Variants in SAMD5 observed in about 807,000 individuals in gnomAD.
SAMD5 encodes sterile alpha motif domain-containing protein 5.
A neutral mutation model predicts 11.3 loss-of-function variants in SAMD5; 13 were observed. That is an observed-to-expected ratio of 1.15 (90% CI 0.75 to 1.83). The LOEUF is 1.83. Among genes scored for constraint, SAMD5 ranks in the 40% most tolerant of loss-of-function variants. The pLI is 0.00. For missense variants in SAMD5, 255 were observed against 239.1 expected (o/e 1.07, Z -0.44); for synonymous variants, 129 against 111.3 (o/e 1.16, Z -1.00).
In SAMD5 at chr6:147,532,329, T is replaced by G. The variant is rs148827121; in HGVS notation, c.459+22942T>G. ...CTCCCTGAGTCCCCAAAGTCCATTA[T>G]ATCATTCTTATGCCTTTGCATCCTC... On this transcript the variant is annotated intron_variant, in intron 1 of 1. Coordinates refer to ENST00000367474, the MANE Select transcript of SAMD5 (RefSeq NM_001030060.3). Among the ~76,000 whole-genome samples, 1,367 of 150,878 alleles carry G rather than the reference T, an allele frequency of 9.1e-3. 17 individuals carry two copies. The highest frequency in any genetic ancestry group is 0.031 in the African/African-American group (1,297 of 41,238).
At chr6:147,746,522 G>T in the SAMD5 span, among the ~76,000 whole-genome samples, 4 of 152,162 alleles carry the variant, frequency 2.6e-5, no homozygotes, top group African/African-American at 9.7e-5. Flanking sequence ...GTAATCTGTA[G>T]ACTAGAAATG....
At chr6:147,542,154 A>G (rs1788615524) in intron 1 of SAMD5, among the ~76,000 whole-genome samples, 1 of 152,210 alleles carries the variant, frequency 6.6e-6, no homozygotes, top group Non-Finnish European at 1.5e-5. Flanking sequence ...CTCCATTGCA[A>G]TTAAATCCAT....
the SAMD5 span, among the ~76,000 whole-genome samples, chr6:147,841,024 T>C: frequency 1.3e-5 from 2 of 152,092 alleles, no homozygotes; most frequent in African/African-American, 2.4e-5. Flanking sequence ...AAGTCAGAAA[T>C]AGTCATTCAA....
chr6:147,733,718 A>G (rs917948614), intron 1 of SAMD5: 4 of 751,040 alleles, frequency 5.3e-6, no homozygotes, highest in Admixed American at 6.3e-5. Flanking sequence ...GCTGTGATTC[A>G]TGTTTTCTAG....
At chr6:147,805,834 C>T in the SAMD5 span, among the ~76,000 whole-genome samples, 3 of 152,152 alleles carry the variant, frequency 2.0e-5, no homozygotes, top group Non-Finnish European at 4.4e-5. Context: ...AATTCACTGA[C>T]CTGAGATTGA....
At chr6:147,898,951 C>A in the SAMD5 span, among the ~76,000 whole-genome samples, 2 of 151,616 alleles carry the variant, frequency 1.3e-5, no homozygotes, top group African/African-American at 4.8e-5. Flanking sequence ...GAGGCCGAGG[C>A]GGGCAGATCA....
Position 147,716,541 on chromosome 6 carries a change from C to T in SAMD5, c.163-20776C>T, listed in dbSNP as rs142666681. On this transcript the variant is annotated intron_variant, in intron 1 of 1. Transcript: ENST00000566741. The stretch of plus-strand genomic sequence containing the variant: ...ACAGGGATGCCCAGGTCTGCAGACA[C>T]GGCTGGGCAGCCACAGCTGCACCCA... 2.0e-4 allele frequency among the ~76,000 whole-genome samples: 31 copies of T among 152,190 alleles called. 1 individual carries two copies. Among genetic ancestry groups the T allele is most frequent in the African/African-American group, 5.3e-4 (22 of 41,456 alleles).
At chr6:147,822,530 T>C in the SAMD5 span, among the ~76,000 whole-genome samples, 5 of 152,206 alleles carry the variant, frequency 3.3e-5, no homozygotes, top group Non-Finnish European at 7.4e-5. Context: ...ATAAATATGG[T>C]GCTCATGACC....
At chr6:147,657,431 T>G (rs1379498291) in intron 1 of SAMD5, among the ~76,000 whole-genome samples, 1 of 152,120 alleles carries the variant, frequency 6.6e-6, no homozygotes, top group African/African-American at 2.4e-5. Flanking sequence ...TAACCTACTT[T>G]CTAATACTCC....
chr6:147,812,956 C>G, the SAMD5 span, among the ~76,000 whole-genome samples: 1 of 152,254 alleles, frequency 6.6e-6, no homozygotes, highest in Non-Finnish European at 1.5e-5. Flanking sequence ...GGCTTCACAC[C>G]ACTGATAATG....
intron 1 of SAMD5, among the ~76,000 whole-genome samples, chr6:147,556,729 A>T (rs1318107306): frequency 1.3e-5 from 2 of 152,244 alleles, no homozygotes; most frequent in Non-Finnish European, 1.5e-5. Flanking sequence ...GAGCTCAAAT[A>T]TGCTTACATC....
At chr6:147,900,220 C>T in the SAMD5 span, among the ~76,000 whole-genome samples, 4 of 152,046 alleles carry the variant, frequency 2.6e-5, no homozygotes, top group Non-Finnish European at 5.9e-5. Flanking sequence ...CATGGAGGAT[C>T]GGTCAAAGGA....
intron 1 of SAMD5, among the ~76,000 whole-genome samples, chr6:147,625,701 C>T (rs1327890470): frequency 3.3e-5 from 5 of 152,252 alleles, no homozygotes; most frequent in South Asian, 2.1e-4. Context: ...TTTAGAGGGT[C>T]GTTAAAAGAA....
chr6:147,679,341 G>GA (rs968614213), intron 1 of SAMD5, among the ~76,000 whole-genome samples: 2 of 152,040 alleles, frequency 1.3e-5, no homozygotes, highest in Admixed American at 6.6e-5. Flanking sequence ...TTTCATTTTA[G>GA]AAACTCAAAT....
At chr6:147,831,498 C>G in the SAMD5 span, among the ~76,000 whole-genome samples, 8 of 152,206 alleles carry the variant, frequency 5.3e-5, no homozygotes, top group Admixed American at 5.2e-4. Flanking sequence ...GTCAGTTGGA[C>G]AAGTCCTCTC....
At chr6:147,532,069 T>C (rs1035717940) in intron 1 of SAMD5, among the ~76,000 whole-genome samples, 3 of 152,316 alleles carry the variant, frequency 2.0e-5, no homozygotes, top group African/African-American at 7.2e-5. Context: ...TGTCTCTTTT[T>C]TCATTGCTCT....
At chr6:147,756,062 A>G in the SAMD5 span, among the ~76,000 whole-genome samples, 1 of 152,158 alleles carries the variant, frequency 6.6e-6, no homozygotes, top group African/African-American at 2.4e-5. Context: ...AATTTTGGAA[A>G]GAATCAAAAA....
At chr6:147,534,459 G>C (rs1019825905) in intron 1 of SAMD5, among the ~76,000 whole-genome samples, 2 of 152,136 alleles carry the variant, frequency 1.3e-5, no homozygotes, top group African/African-American at 4.8e-5. Flanking sequence ...TCAAGACAGG[G>C]GAATTGCAAT....
chr6:147,807,271 T>C, the SAMD5 span, among the ~76,000 whole-genome samples: 240 of 152,144 alleles, frequency 1.6e-3, 1 homozygote, highest in African/African-American at 5.4e-3. Flanking sequence ...GGCTAATTTT[T>C]TTTTTGTACT....
Sources: gnomAD v4.1 joint callset for allele counts (sites outside exome capture counted in the v4.1 genomes callset) on GRCh38, gnomAD v4.1.1 for gene constraint, MANE v1.5 for transcripts, NCBI Gene and HGNC (gene_info 2026-07-23, HGNC 2026-07-21) for gene names.